CPHXL2: variants seen among roughly 807,000 people sequenced by gnomAD.
CPHXL2 encodes the protein cytoplasmic polyadenylated homeobox like 2, also known as cytoplasmic polyadenylated homeobox-like protein 2.
chr16:75,667,912 C>G, the CPHXL2 span, among the ~76,000 whole-genome samples: 1 of 152,202 alleles, frequency 6.6e-6, no homozygotes, highest in Non-Finnish European at 1.5e-5. Flanking sequence ...ATCCAAGTAA[C>G]CTTTGAGTCC....
chr16:75,676,438 C>T, the CPHXL2 span, among the ~76,000 whole-genome samples: 3 of 152,142 alleles, frequency 2.0e-5, no homozygotes, highest in African/African-American at 7.2e-5. Flanking sequence ...ATCCCTCCTG[C>T]CTCAGGCTCC....
the CPHXL2 span, among the ~76,000 whole-genome samples, chr16:75,675,383 T>A: frequency 6.6e-6 from 1 of 151,976 alleles, no homozygotes. Flanking sequence ...ATCAATGGTA[T>A]TGCATTGAGA....
chr16:75,663,910 A>G, the CPHXL2 span, among the ~76,000 whole-genome samples: 1 of 150,106 alleles, frequency 6.7e-6, no homozygotes, highest in Non-Finnish European at 1.5e-5. Flanking sequence ...AAAAAGAAAC[A>G]TAAAACATAC....
the CPHXL2 span, among the ~76,000 whole-genome samples, chr16:75,662,379 A>G: frequency 7.1e-5 from 9 of 126,510 alleles, no homozygotes; most frequent in South Asian, 2.4e-4. Context: ...CACAGGCATG[A>G]TTGATTAAAC....
At chr16:75,669,435 C>G in the CPHXL2 span, 1 of 400,690 alleles carries the variant, frequency 2.5e-6, no homozygotes, top group Admixed American at 4.4e-5. Flanking sequence ...GATAACCGTT[C>G]TCTCCAAATA....
At chr16:75,671,051 A>C in the CPHXL2 span, among the ~76,000 whole-genome samples, 1 of 152,054 alleles carries the variant, frequency 6.6e-6, no homozygotes, top group East Asian at 1.9e-4. Context: ...TTCAAAACTC[A>C]CTTTCCCAGG....
At chr16:75,674,341 C>T in the CPHXL2 span, among the ~76,000 whole-genome samples, 1 of 135,906 alleles carries the variant, frequency 7.4e-6, no homozygotes, top group African/African-American at 2.9e-5. Flanking sequence ...CCACTGCACT[C>T]CAGCCTGGGT....
At chr16:75,660,624 T>C in the CPHXL2 span, 17 of 398,500 alleles carry the variant, frequency 4.3e-5, no homozygotes, top group South Asian at 2.5e-4. Flanking sequence ...CTGCTGTTCT[T>C]GCAGCAGTGA....
the CPHXL2 span, among the ~76,000 whole-genome samples, chr16:75,668,702 A>T: frequency 3.3e-5 from 5 of 152,252 alleles, no homozygotes; most frequent in South Asian, 1.0e-3. Context: ...CCTAATACCT[A>T]ATATAACACA....
chr16:75,662,540 A>C, the CPHXL2 span, among the ~76,000 whole-genome samples: 12 of 151,966 alleles, frequency 7.9e-5, no homozygotes, highest in Non-Finnish European at 1.8e-4. Flanking sequence ...CAGTCAACTC[A>C]TTAGTGTAGA....
At chr16:75,663,069 G>A in the CPHXL2 span, among the ~76,000 whole-genome samples, 1 of 152,166 alleles carries the variant, frequency 6.6e-6, no homozygotes, top group Non-Finnish European at 1.5e-5. Context: ...CAAAGTGCGG[G>A]GATTACAGGC....
At chr16:75,667,010 G>C in the CPHXL2 span, among the ~76,000 whole-genome samples, 3 of 151,386 alleles carry the variant, frequency 2.0e-5, no homozygotes, top group Non-Finnish European at 4.4e-5. Context: ...CAAGATGGAA[G>C]TTAAAAAATT....
chr16:75,675,016 C>A, the CPHXL2 span, among the ~76,000 whole-genome samples: 1 of 151,274 alleles, frequency 6.6e-6, no homozygotes, highest in African/African-American at 2.4e-5. Flanking sequence ...TGGTGAAACC[C>A]CGTCTCTACT....
chr16:75,674,788 C>A, the CPHXL2 span, among the ~76,000 whole-genome samples: 2,096 of 151,882 alleles, frequency 0.014, 51 homozygotes, highest in African/African-American at 0.048. Context: ...CGGCTCACTG[C>A]AACCTCTGCC....
At chr16:75,672,899 A>G in the CPHXL2 span, among the ~76,000 whole-genome samples, 10 of 151,964 alleles carry the variant, frequency 6.6e-5, no homozygotes, top group Non-Finnish European at 1.5e-4. Context: ...AAAAACAAAA[A>G]CAAAAACAAA....
the CPHXL2 span, among the ~76,000 whole-genome samples, chr16:75,672,323 T>A: frequency 6.6e-6 from 1 of 151,952 alleles, no homozygotes; most frequent in Admixed American, 6.6e-5. Flanking sequence ...GTTTACAATT[T>A]CAAAATAATT....
At chr16:75,670,752 C>T in the CPHXL2 span, among the ~76,000 whole-genome samples, 4 of 152,034 alleles carry the variant, frequency 2.6e-5, no homozygotes, top group African/African-American at 7.2e-5. Context: ...CTTTCTCAGC[C>T]TCCCAAAGTG....
At chr16:75,674,861 C>T in the CPHXL2 span, among the ~76,000 whole-genome samples, 1 of 151,938 alleles carries the variant, frequency 6.6e-6, no homozygotes, top group South Asian at 2.1e-4. Flanking sequence ...TGGCGCACGC[C>T]ACCATGCCTG....
chr16:75,668,345 C>A, the CPHXL2 span, among the ~76,000 whole-genome samples: 1 of 151,764 alleles, frequency 6.6e-6, no homozygotes, highest in African/African-American at 2.4e-5. Context: ...TCTCCTGTCT[C>A]AGCCTCCCAG....
Sources: gnomAD v4.1 joint callset for allele counts (sites outside exome capture counted in the v4.1 genomes callset) on GRCh38, gnomAD v4.1.1 for gene constraint, MANE v1.5 for transcripts, NCBI Gene and HGNC (gene_info 2026-07-23, HGNC 2026-07-21) for gene names.